Variants in ALK observed in about 807,000 individuals in gnomAD.
ALK encodes ALK tyrosine kinase receptor.
ALK carries 74 observed loss-of-function variants against 163.1 expected under a neutral mutation model. The ratio of observed to expected loss-of-function variants is 0.45; its 90% CI spans 0.38 to 0.55. ALK has a LOEUF of 0.55. Ranked by LOEUF, ALK falls within the 20% of genes least tolerant of loss-of-function variation. ALK has a pLI of 0.00. For synonymous variants in ALK, 960 were observed against 843.2 expected (o/e 1.14, Z -2.40); for missense variants, 2,063 against 2,105.3 (o/e 0.98, Z 0.39).
intron 4 of ALK, among the ~76,000 whole-genome samples, chr2:29,412,136 G>A (rs1332798014): frequency 2.6e-5 from 4 of 152,190 alleles, no homozygotes; most frequent in Admixed American, 6.5e-5. Flanking sequence ...GACCAAAAAG[G>A]TGCTATTTGA....
At chr2:29,554,696 A>G (rs1489828780) in intron 3 of ALK, among the ~76,000 whole-genome samples, 2 of 152,180 alleles carry the variant, frequency 1.3e-5, no homozygotes, top group African/African-American at 2.4e-5. Flanking sequence ...TCCATCTTGA[A>G]TAGGGTCTGG....
chr2:29,709,558 T>C (rs1679012594), intron 2 of ALK, among the ~76,000 whole-genome samples: 1 of 152,008 alleles, frequency 6.6e-6, no homozygotes, highest in Non-Finnish European at 1.5e-5. Flanking sequence ...CTAGGAAGAG[T>C]GATAACGCAG....
intron 3 of ALK, among the ~76,000 whole-genome samples, chr2:29,601,062 G>T (rs957662475): frequency 6.6e-6 from 1 of 152,180 alleles, no homozygotes; most frequent in Admixed American, 6.5e-5. Context: ...AACCAGAACT[G>T]CATTTTCACA....
intron 1 of ALK, among the ~76,000 whole-genome samples, chr2:29,749,020 A>T (rs1369088021): frequency 1.3e-5 from 2 of 152,148 alleles, no homozygotes; most frequent in Non-Finnish European, 2.9e-5. Context: ...AAGAGATACT[A>T]ACATATCTCT....
At chr2:29,207,365 G>T in intron 25 of ALK, 93 bp from the exon 26 acceptor site, 1 of 949,970 alleles carries the variant, frequency 1.1e-6, no homozygotes, top group Non-Finnish European at 1.7e-6. Context: ...CAACAATATA[G>T]TCTACCCATT....
intron 4 of ALK, among the ~76,000 whole-genome samples, chr2:29,438,185 C>T (rs936291687): frequency 6.6e-6 from 1 of 152,178 alleles, no homozygotes; most frequent in East Asian, 1.9e-4. Flanking sequence ...CTTCATAACA[C>T]CACCAATGAG....
At chr2:29,637,463 A>G (rs1026358886) in intron 3 of ALK, among the ~76,000 whole-genome samples, 4 of 152,070 alleles carry the variant, frequency 2.6e-5, no homozygotes, top group Non-Finnish European at 5.9e-5. Flanking sequence ...GGATGAGAAT[A>G]TAAAAAAGCA....
chr2:29,385,574 A>T (rs1267023169), intron 4 of ALK, among the ~76,000 whole-genome samples: 3 of 152,002 alleles, frequency 2.0e-5, no homozygotes, highest in Admixed American at 6.6e-5. Context: ...ATTTTTTTGC[A>T]GAGACAGGGT....
intron 3 of ALK, among the ~76,000 whole-genome samples, chr2:29,655,974 C>T (rs79815340): frequency 0.02 from 3,044 of 152,190 alleles, 91 homozygotes; most frequent in African/African-American, 0.069. Context: ...TTTATATCCA[C>T]AAACATCTTT....
At chr2:29,626,415 C>G (rs1676195404) in intron 3 of ALK, among the ~76,000 whole-genome samples, 3 of 152,174 alleles carry the variant, frequency 2.0e-5, no homozygotes, top group Admixed American at 2.0e-4. Flanking sequence ...GCTCTCTTGC[C>G]TGCTGCCATG....
chr2:29,650,025 G>A (rs1390350790), intron 3 of ALK, among the ~76,000 whole-genome samples: 1 of 152,156 alleles, frequency 6.6e-6, no homozygotes, highest in Non-Finnish European at 1.5e-5. Flanking sequence ...ACAAGGAAGG[G>A]AAGGAAGGAA....
At chr2:29,397,076 A>ATTGT (rs963831570) in intron 4 of ALK, among the ~76,000 whole-genome samples, 3 of 152,026 alleles carry the variant, frequency 2.0e-5, no homozygotes, top group Non-Finnish European at 1.5e-5. Context: ...AGGCAGTATC[A>ATTGT]TTGTTTGAAT....
At chr2:29,561,457 T>C (rs1375914464) in intron 3 of ALK, among the ~76,000 whole-genome samples, 1 of 152,202 alleles carries the variant, frequency 6.6e-6, no homozygotes, top group Non-Finnish European at 1.5e-5. Flanking sequence ...AGGAAGCTGC[T>C]GGCCTTTTGC....
At chr2:29,806,192 G>A (rs1213756981) in intron 1 of ALK, among the ~76,000 whole-genome samples, 1 of 152,132 alleles carries the variant, frequency 6.6e-6, no homozygotes, top group East Asian at 1.9e-4. Flanking sequence ...TTAAGACTAA[G>A]GTAAGAGGTC....
At chr2:29,294,207 T>A (rs1294073321) in intron 9 of ALK, among the ~76,000 whole-genome samples, 1 of 152,246 alleles carries the variant, frequency 6.6e-6, no homozygotes, top group Admixed American at 6.5e-5. Flanking sequence ...ACCTTCTCCT[T>A]TCTCCCATTT....
intron 11 of ALK, among the ~76,000 whole-genome samples, chr2:29,257,674 G>A (rs1664985000): frequency 6.6e-6 from 1 of 152,178 alleles, no homozygotes; most frequent in Non-Finnish European, 1.5e-5. Context: ...AATGCTTCAT[G>A]TGGATCATTT....
chr2:29,474,293 GA>G (rs1280678961), intron 4 of ALK, among the ~76,000 whole-genome samples: 1 of 152,136 alleles, frequency 6.6e-6, no homozygotes, highest in African/African-American at 2.4e-5. Flanking sequence ...AATCTATAGG[GA>G]AAGAAGTCAA....
chr2:29,668,680 G>C (rs745681486), intron 3 of ALK, among the ~76,000 whole-genome samples: 10 of 152,020 alleles, frequency 6.6e-5, no homozygotes, highest in Non-Finnish European at 8.8e-5. Context: ...ATCTATTCTG[G>C]AGAATATTCC....
intron 4 of ALK, among the ~76,000 whole-genome samples, chr2:29,423,558 G>C (rs11898966): frequency 6.6e-6 from 1 of 152,246 alleles, no homozygotes; most frequent in East Asian, 1.9e-4. Context: ...CTGCTTCTTC[G>C]TGACCAAGCT....
Sources: allele counts gnomAD v4.1 joint callset (sites outside exome capture counted in the v4.1 genomes callset), GRCh38; gene constraint gnomAD v4.1.1; transcripts MANE v1.5; gene names NCBI Gene and HGNC (gene_info 2026-07-23, HGNC 2026-07-21).